The following BDP1 variants were observed in gnomAD, a reference collection of about 807,000 sequenced individuals.
The protein encoded by BDP1 is transcription factor TFIIIB component B'' homolog.
A neutral mutation model predicts 266.6 loss-of-function variants in BDP1; 169 were observed. The observed-to-expected ratio is 0.63, with a 90% CI of 0.56 to 0.72. The LOEUF is 0.72. Ranked by LOEUF, BDP1 falls within the 30% of genes least tolerant of loss-of-function variation. The pLI, the probability that BDP1 is intolerant of heterozygous loss-of-function variation, is 0.00. For missense variants in BDP1, 3,015 were observed against 3,053.8 expected (o/e 0.99, Z 0.30); for synonymous variants, 1,090 against 1,022.4 (o/e 1.07, Z -1.26).
chr5:71,503,872 G>A (rs1021270565), intron 15 of BDP1, among the ~76,000 whole-genome samples: 1 of 152,060 alleles, frequency 6.6e-6, no homozygotes, highest in South Asian at 2.1e-4. Flanking sequence ...TTGGGAGGCT[G>A]AGGCAGGAGG....
At chr5:71,479,595 A>G (rs909647022) in intron 7 of BDP1, among the ~76,000 whole-genome samples, 5 of 150,522 alleles carry the variant, frequency 3.3e-5, no homozygotes, top group Non-Finnish European at 5.9e-5. Flanking sequence ...TGCCCAGGCC[A>G]GAGTGCAGTG....
At chr5:71,555,442 CT>C (rs780342284) in intron 35 of BDP1, among the ~76,000 whole-genome samples, 272 of 139,562 alleles carry the variant, frequency 1.9e-3, no homozygotes, top group Middle Eastern at 3.8e-3. Context: ...TTTCTTTATT[CT>C]TTTTTTTTTT....
At chr5:71,577,830 G>A in the BDP1 span, among the ~76,000 whole-genome samples, 1 of 152,148 alleles carries the variant, frequency 6.6e-6, no homozygotes, top group Non-Finnish European at 1.5e-5. Context: ...TTCATAGTCT[G>A]TAAAATCGGA....
Position 71,557,619 on chromosome 5 carries a change from C to T in BDP1, c.7240+694C>T, listed in dbSNP as rs189000293. Among the ~76,000 whole-genome samples, 391 of 116,102 alleles carry T rather than the reference C, an allele frequency of 3.4e-3. 2 individuals are homozygous for T. Among genetic ancestry groups the T allele is most frequent in the African/African-American group, 0.01 (339 of 32,682 alleles). The allele number at this position is 116,102 out of a possible 152,430, so 76.2% of individuals were successfully genotyped here. ...CAGGATGGTCTTGATCTCCTGACCT[C>T]GTGATCTGCCGGCCTCGAAATTTTT... On this transcript the variant is annotated intron_variant, in intron 36 of 38. Transcript: ENST00000358731.
intron 15 of BDP1, 149 bp downstream of exon 15, chr5:71,502,940 A>G (rs1580087524): frequency 3.0e-5 from 19 of 623,016 alleles, no homozygotes; most frequent in Non-Finnish European, 4.6e-5. Context: ...CCAGGCTGGA[A>G]TGCAGTGTCG....
intron 7 of BDP1, among the ~76,000 whole-genome samples, chr5:71,474,215 C>T (rs1301906965): frequency 4.0e-5 from 6 of 151,660 alleles, no homozygotes; most frequent in African/African-American, 1.2e-4. Context: ...CTCCTGACCT[C>T]GTGATCCTCC....
chr5:71,513,806 A>T (rs939510762), intron 19 of BDP1, among the ~76,000 whole-genome samples: 4 of 151,288 alleles, frequency 2.6e-5, no homozygotes, highest in Non-Finnish European at 2.9e-5. Flanking sequence ...TGCAACTTCC[A>T]CCTCCCAGGT....
In BDP1 at chr5:71,511,116, A is replaced by G. The variant is rs1764895477; in HGVS notation, c.4024A>G (p.Asn1342Asp). The change falls in exon 17 of 39, where the codon AAT becomes GAT. Residue 1342 changes from asparagine to aspartate, a missense_variant. This residue lies in a region of BDP1 where 2,383 missense variants were observed against 2,404.9 expected (regional missense o/e 0.99). Coordinates refer to ENST00000358731, the MANE Select transcript of BDP1 (RefSeq NM_018429.3). ...CACACATTTAATGCAGAGCGGTAGC[A>G]ATGACTTCAGTGCTGTGCCTTCACT... ...TDTHLMQSGS[N>D]DFSAVPSLDI... The G allele has an allele frequency of 1.2e-6, 2 of 1,613,970 alleles. No homozygotes were observed. The highest frequency in any genetic ancestry group is 2.7e-5 in the African/African-American group (2 of 74,936).
At chr5:71,562,672 A>T (rs1743761209) in intron 38 of BDP1, 152 bp downstream of exon 38, 1 of 1,481,616 alleles carries the variant, frequency 6.7e-7, no homozygotes, top group Admixed American at 2.0e-5. Flanking sequence ...TTCCTCCATA[A>T]TGGAAGAAGA....
intron 26 of BDP1, chr5:71,537,728 CT>C: frequency 1.2e-5 from 2 of 168,442 alleles, no homozygotes; most frequent in Non-Finnish European, 1.4e-5. Context: ...TTCCTGCTGC[CT>C]TTTTTGGCTT....
intron 8 of BDP1, among the ~76,000 whole-genome samples, chr5:71,484,923 G>A (rs1763170961): frequency 6.6e-6 from 1 of 152,078 alleles, no homozygotes; most frequent in Admixed American, 6.6e-5. Context: ...GTAGGTGGGT[G>A]GATCCTACAC....
At chr5:71,553,843 A>G (rs1018274619) in intron 35 of BDP1, among the ~76,000 whole-genome samples, 2 of 152,190 alleles carry the variant, frequency 1.3e-5, no homozygotes, top group Non-Finnish European at 2.9e-5. Context: ...CACACTGGCC[A>G]TCTTTCAATT....
intron 15 of BDP1, among the ~76,000 whole-genome samples, 153 bp from the exon 16 acceptor site, chr5:71,504,468 T>C (rs1210551725): frequency 1.3e-5 from 2 of 152,138 alleles, no homozygotes; most frequent in Non-Finnish European, 2.9e-5. Flanking sequence ...TTTTCTAAGA[T>C]AGCTAAAGAA....
chr5:71,512,177 T>G (rs1159690656), intron 17 of BDP1, 64 bp from the exon 18 acceptor site: 1 of 823,898 alleles, frequency 1.2e-6, no homozygotes, highest in Non-Finnish European at 1.7e-6. Context: ...GACTTTTGTT[T>G]TAAATATATA....
chr5:71,550,124 G>A (rs548671093), intron 34 of BDP1, among the ~76,000 whole-genome samples: 9 of 152,306 alleles, frequency 5.9e-5, no homozygotes, highest in South Asian at 2.1e-4. Flanking sequence ...GGTGGCTTGC[G>A]CCTTTAATCC....
rs6453014 is a variant in BDP1, at chr5:71,541,468, A to C, written c.6037A>C (p.Ile2013Leu). 1,176,884 of 1,428,176 alleles carry C rather than the reference A, an allele frequency of 0.82. 486,276 individuals carry two copies. Among genetic ancestry groups the C allele is most frequent in the Admixed American group, 0.89 (47,139 of 52,854 alleles). The allele number at this position is 1,428,176 out of a possible 1,614,324, so 88.5% of individuals were successfully genotyped here. ...SEQGDVGVCI[I>L]PHVHSKDKSH... ...TTTTTCTTCAGTAGGAGTATGTATA[A>C]TTCCTCATGTTCATTCAAAGGATAA... is the stretch of plus-strand genomic sequence containing the variant. Residue 2013 changes from isoleucine to leucine, a missense_variant, in exon 29 of 39, where the codon ATT becomes CTT. Ile to Leu is a conservative substitution (Grantham distance 5). This residue lies in a region of BDP1 where 2,383 missense variants were observed against 2,404.9 expected (regional missense o/e 0.99). Coordinates refer to ENST00000358731, the MANE Select transcript of BDP1 (RefSeq NM_018429.3).
chr5:71,548,987 G>A (rs1483067446), intron 33 of BDP1, among the ~76,000 whole-genome samples: 1 of 152,116 alleles, frequency 6.6e-6, no homozygotes, highest in Non-Finnish European at 1.5e-5. Flanking sequence ...CAGTCATGGT[G>A]GCTCACTTTG....
In BDP1 at chr5:71,545,215, C is replaced by T; in HGVS notation, c.6740C>T (p.Pro2247Leu). ...GACAGTGTGCTTACACTTCCTGTGCCAGAGGTAAAAGAATGTACAGTATAA... is the reference window on the plus strand; with the variant it reads ...GACAGTGTGCTTACACTTCCTGTGCTAGAGGTAAAAGAATGTACAGTATAA... ...KGDSVLTLPV[P>L]EYTPTSIPEV... Residue 2247 changes from proline (P) to leucine (L), a missense_variant, in exon 32 of 39, where the codon CCA (proline) becomes CTA (leucine). Coordinates refer to ENST00000358731, the MANE Select transcript of BDP1 (RefSeq NM_018429.3). The T allele has an allele frequency of 6.2e-7, 1 of 1,612,516 alleles. No individual in the cohort carries two copies. The highest frequency in any genetic ancestry group is 8.5e-7 in the Non-Finnish European group (1 of 1,179,586).
At chr5:71,489,732 G>A (rs1166433279) in intron 10 of BDP1, 50 bp downstream of exon 10, 3 of 1,483,994 alleles carry the variant, frequency 2.0e-6, no homozygotes, top group East Asian at 2.3e-5. Flanking sequence ...GAGAAGACAT[G>A]TACAGTAATA....
Sources: gnomAD v4.1 joint callset for allele counts (sites outside exome capture counted in the v4.1 genomes callset) on GRCh38, gnomAD v4.1.1 for gene constraint, gnomAD v4.1.1 regional missense constraint, MANE v1.5 for transcripts, NCBI Gene and HGNC (gene_info 2026-07-23, HGNC 2026-07-21) for gene names.